The following TBL1X variants were observed in gnomAD, a reference collection of about 807,000 sequenced individuals.
TBL1X encodes the protein F-box-like/WD repeat-containing protein TBL1X.
A neutral mutation model predicts 50.7 loss-of-function variants in TBL1X; 10 were observed. That is an observed-to-expected ratio of 0.20 (90% CI 0.12 to 0.33). The LOEUF is 0.33. Ranked by LOEUF, TBL1X falls within the 10% of genes least tolerant of loss-of-function variation. The pLI is 1.00. For synonymous variants in TBL1X, 190 were observed against 214.7 expected, an observed-to-expected ratio of 0.88 and a Z score of 1.01; for missense variants, 340 against 504.4, an observed-to-expected ratio of 0.67 and a Z score of 3.12.
intron 3 of TBL1X, among the ~76,000 whole-genome samples, chrX:9,647,005 A>G (rs2082808336): frequency 8.9e-6 from 1 of 111,828 alleles, no homozygotes; most frequent in Admixed American, 9.5e-5. Flanking sequence ...TCTACTTTTT[A>G]AGATAATTAA....
At chrX:9,574,506 G>A (rs1470450700) in intron 2 of TBL1X, among the ~76,000 whole-genome samples, 1 of 107,023 alleles carries the variant, frequency 9.3e-6, no homozygotes, top group Non-Finnish European at 1.9e-5. Flanking sequence ...CTGGCCACAG[G>A]AAGGTCTGTG....
intron 5 of TBL1X, among the ~76,000 whole-genome samples, chrX:9,660,386 C>T (rs1033687552): frequency 1.8e-5 from 2 of 112,224 alleles, no homozygotes; most frequent in Non-Finnish European, 1.9e-5. Flanking sequence ...TACCAAGTTC[C>T]GTGTCCATGA....
At chrX:9,481,365 A>G (rs990738838) in intron 1 of TBL1X, among the ~76,000 whole-genome samples, 6 of 112,192 alleles carry the variant, frequency 5.3e-5, no homozygotes, top group African/African-American at 1.6e-4. Context: ...TGAGCTATTT[A>G]TAGCTTTTAA....
chrX:9,651,835 G>A (rs1379702907), intron 3 of TBL1X, among the ~76,000 whole-genome samples: 1 of 112,275 alleles, frequency 8.9e-6, no homozygotes, highest in African/African-American at 3.2e-5. Flanking sequence ...GCAGTGTTCT[G>A]GCAACTATAA....
chrX:9,631,613 A>G (rs1468455221), intron 2 of TBL1X, among the ~76,000 whole-genome samples: 2 of 112,591 alleles, frequency 1.8e-5, no homozygotes, highest in African/African-American at 3.2e-5. Flanking sequence ...TACAACAACA[A>G]TGTGCTTTCA....
chrX:9,671,580 T>C (rs1476766379), intron 5 of TBL1X, among the ~76,000 whole-genome samples: 1 of 112,683 alleles, frequency 8.9e-6, no homozygotes, highest in African/African-American at 3.2e-5. Flanking sequence ...TGTGTAGGAG[T>C]GGGTAAGTAG....
intron 1 of TBL1X, among the ~76,000 whole-genome samples, chrX:9,471,574 A>G (rs941900722): frequency 1.8e-5 from 2 of 111,877 alleles, no homozygotes; most frequent in African/African-American, 6.5e-5. Context: ...AAAATAAGCG[A>G]TATTTTGGTA....
At chrX:9,532,164 G>C (rs192224883) in intron 2 of TBL1X, among the ~76,000 whole-genome samples, 44 of 111,747 alleles carry the variant, frequency 3.9e-4, no homozygotes, top group African/African-American at 1.3e-3. Context: ...GCTTTGGGTG[G>C]ACATTTAGTC....
At chrX:9,523,985 T>TTTTTAA (rs1555963929) in intron 2 of TBL1X, among the ~76,000 whole-genome samples, 2 of 94,836 alleles carry the variant, frequency 2.1e-5, no homozygotes, top group African/African-American at 8.1e-5. Flanking sequence ...TTTTTTTTTT[T>TTTTTAA]TAGACAGAGT....
rs779642360 is a variant in TBL1X at position 9,521,127 on chromosome X, A to T, written c.-131+19278A>T. Among the ~76,000 whole-genome samples, 12 of 110,329 alleles carry T rather than the reference A, an allele frequency of 1.1e-4. No individual in the cohort carries two copies. In the East Asian group the frequency reaches 3.2e-3, roughly 29 times the overall value. On this transcript the variant is annotated intron_variant, in intron 2 of 17. Coordinates refer to ENST00000645353, the MANE Select transcript of TBL1X (RefSeq NM_005647.4). ...GGGAACAAAAAAAGAAGTTAAAGAG[A>T]TAAGATAAAGAATGGGGGGAGGGGA...
intron 2 of TBL1X, among the ~76,000 whole-genome samples, chrX:9,577,777 GT>G (rs1347146794): frequency 8.0e-5 from 9 of 112,380 alleles, no homozygotes; most frequent in Non-Finnish European, 1.5e-4. Flanking sequence ...CAGCAGCCTG[GT>G]AATGCCAAGG....
chrX:9,699,667 G>A (rs2083157183), intron 12 of TBL1X, among the ~76,000 whole-genome samples: 3 of 111,661 alleles, frequency 2.7e-5, no homozygotes, highest in Admixed American at 1.9e-4. Context: ...ACCATGAACC[G>A]AAGGTCCCGT....
At chrX:9,513,359 G>T (rs1363452617) in intron 2 of TBL1X, among the ~76,000 whole-genome samples, 3 of 110,686 alleles carry the variant, frequency 2.7e-5, no homozygotes, top group Non-Finnish European at 5.7e-5. Context: ...GTGTACTCCA[G>T]TGGGGGGGTG....
At chrX:9,635,959 T>C (rs1569082831) in intron 2 of TBL1X, among the ~76,000 whole-genome samples, 1 of 112,431 alleles carries the variant, frequency 8.9e-6, no homozygotes, top group Admixed American at 9.4e-5. Context: ...AGCCACGCAG[T>C]AGCATAGTAT....
At chrX:9,496,475 T>G (rs2081971647) in intron 1 of TBL1X, among the ~76,000 whole-genome samples, 1 of 112,745 alleles carries the variant, frequency 8.9e-6, no homozygotes, top group Non-Finnish European at 1.9e-5. Flanking sequence ...AAACCAAACT[T>G]TTGACTTCAG....
chrX:9,514,562 CTTTTACTTTTTG>C (rs2082072432), intron 2 of TBL1X, among the ~76,000 whole-genome samples: 1 of 112,047 alleles, frequency 8.9e-6, no homozygotes, highest in African/African-American at 3.2e-5. Context: ...TTAACATTTT[CTTTTACTTTTTG>C]TTTTAAATGA....
intron 5 of TBL1X, among the ~76,000 whole-genome samples, chrX:9,678,503 C>T (rs1046772467): frequency 6.2e-5 from 7 of 112,429 alleles, no homozygotes; most frequent in Admixed American, 9.4e-5. Context: ...AGATGGTGTC[C>T]CTCAGCTTTG....
At chrX:9,608,344 C>A (rs1030357173) in intron 2 of TBL1X, among the ~76,000 whole-genome samples, 3 of 111,846 alleles carry the variant, frequency 2.7e-5, no homozygotes, top group Non-Finnish European at 3.8e-5. Flanking sequence ...AATCCCCACT[C>A]GGGTGGAGGA....
intron 2 of TBL1X, among the ~76,000 whole-genome samples, chrX:9,627,692 A>T (rs2082699491): frequency 8.9e-6 from 1 of 112,441 alleles, no homozygotes; most frequent in Non-Finnish European, 1.9e-5. Context: ...ATTGTGCAGA[A>T]GTAAGTTACT....
Sources: gnomAD v4.1 joint callset for allele counts (sites outside exome capture counted in the v4.1 genomes callset) on GRCh38, gnomAD v4.1.1 for gene constraint, MANE v1.5 for transcripts, NCBI Gene and HGNC (gene_info 2026-07-23, HGNC 2026-07-21) for gene names.